The following SNTG1 variants were observed in gnomAD, a reference collection of about 807,000 sequenced individuals.
SNTG1 encodes syntrophin gamma 1, also known as gamma-1-syntrophin.
SNTG1 carries 39 observed loss-of-function variants against 74.7 expected under a neutral mutation model. That is an observed-to-expected ratio of 0.52 (90% CI 0.40 to 0.68). The LOEUF (loss-of-function observed/expected upper bound fraction) is 0.68, where lower values mean the gene tolerates loss of function less well. Ranked by LOEUF, SNTG1 falls within the 30% of genes least tolerant of loss-of-function variation. SNTG1 has a pLI of 0.00. For synonymous variants in SNTG1, 254 were observed against 217.1 expected (o/e 1.17, Z -1.49); for missense variants, 685 against 609.5 (o/e 1.12, Z -1.30).
chr8:50,638,733 A>G (rs1447962932), intron 13 of SNTG1, among the ~76,000 whole-genome samples: 1 of 152,002 alleles, frequency 6.6e-6, no homozygotes, highest in Non-Finnish European at 1.5e-5. Context: ...ATTCTTTCCA[A>G]CAGAAGAAAA....
intron 1 of SNTG1, among the ~76,000 whole-genome samples, chr8:49,950,475 G>A (rs1477734308): frequency 1.3e-5 from 2 of 152,200 alleles, no homozygotes; most frequent in East Asian, 3.9e-4. Flanking sequence ...TGGAAATCCA[G>A]GGGAGATTTT....
intron 15 of SNTG1, among the ~76,000 whole-genome samples, chr8:50,669,298 G>T (rs1422728799): frequency 6.6e-6 from 1 of 151,688 alleles, no homozygotes; most frequent in Non-Finnish European, 1.5e-5. Context: ...CCACTAGCTA[G>T]ACTAATAAAG....
intron 2 of SNTG1, among the ~76,000 whole-genome samples, chr8:50,318,317 A>C (rs12544473): frequency 0.47 from 72,037 of 152,100 alleles, 19,480 homozygotes; most frequent in East Asian, 0.83. Context: ...CATTGTGGAA[A>C]GCATTGGATA....
intron 18 of SNTG1, among the ~76,000 whole-genome samples, chr8:50,752,829 A>G: frequency 6.6e-6 from 1 of 151,958 alleles, no homozygotes; most frequent in East Asian, 1.9e-4. Flanking sequence ...TTTAGATTAG[A>G]CACTCTCCTT....
chr8:50,546,808 A>G (rs2094391573), intron 11 of SNTG1, among the ~76,000 whole-genome samples: 1 of 151,864 alleles, frequency 6.6e-6, no homozygotes, highest in Admixed American at 6.6e-5. Context: ...TTGGTTCCAA[A>G]TCTCACTCTG....
At chr8:50,789,820 A>T (rs1439285115) in intron 18 of SNTG1, among the ~76,000 whole-genome samples, 1 of 151,928 alleles carries the variant, frequency 6.6e-6, no homozygotes, top group Non-Finnish European at 1.5e-5. Flanking sequence ...AAAATTTCCC[A>T]TGGTTTCCCA....
chr8:50,250,724 C>G (rs2086610426), intron 2 of SNTG1, among the ~76,000 whole-genome samples: 1 of 152,006 alleles, frequency 6.6e-6, no homozygotes, highest in African/African-American at 2.4e-5. Flanking sequence ...TAAAAAATTT[C>G]TCACAGCCAA....
chr8:50,175,478 G>A (rs921774823), intron 2 of SNTG1, among the ~76,000 whole-genome samples: 12 of 152,202 alleles, frequency 7.9e-5, no homozygotes, highest in Non-Finnish European at 1.8e-4. Context: ...GAGAGCAAAG[G>A]ATGGAAGCTG....
rs548235806 is a variant in SNTG1, at chr8:50,729,536, C to G, written c.1284+20558C>G. On this transcript the variant is annotated intron_variant, in intron 17 of 18. Coordinates refer to ENST00000642720, the MANE Select transcript of SNTG1 (RefSeq NM_018967.5). The stretch of plus-strand genomic sequence containing the variant: ...AGTTAAGCCCATGTCTACCTCCCCT[C>G]CAGTGATGGGGGTCTCTTTTGTCAG... 2.6e-5 allele frequency among the ~76,000 whole-genome samples: 4 copies of G among 151,628 alleles called. No individual in the cohort carries two copies. In the East Asian group the frequency reaches 7.7e-4, roughly 29 times the overall value.
chr8:50,323,890 C>G (rs1261948236), intron 2 of SNTG1, among the ~76,000 whole-genome samples: 1 of 152,146 alleles, frequency 6.6e-6, no homozygotes, highest in African/African-American at 2.4e-5. Flanking sequence ...GTGTTCTATT[C>G]TACTACAGCT....
chr8:50,130,700 A>G (rs1247786359), intron 1 of SNTG1, among the ~76,000 whole-genome samples: 1 of 152,156 alleles, frequency 6.6e-6, no homozygotes, highest in African/African-American at 2.4e-5. Flanking sequence ...GTACTTGAGG[A>G]AGAAGATAAA....
chr8:50,456,806 C>A (rs1399784814), intron 8 of SNTG1, among the ~76,000 whole-genome samples: 2 of 152,060 alleles, frequency 1.3e-5, no homozygotes, highest in East Asian at 3.9e-4. Context: ...GGAGAGGAGT[C>A]TAAAAACAGG....
chr8:50,111,667 G>C (rs879494483), intron 1 of SNTG1, among the ~76,000 whole-genome samples: 8 of 152,134 alleles, frequency 5.3e-5, no homozygotes, highest in Admixed American at 5.2e-4. Context: ...ATTAAAGAGA[G>C]AAAATGATTA....
At chr8:50,360,002 G>T (rs1445421135) in intron 2 of SNTG1, among the ~76,000 whole-genome samples, 2 of 151,950 alleles carry the variant, frequency 1.3e-5, no homozygotes, top group Admixed American at 1.3e-4. Flanking sequence ...AAGTTTCTTA[G>T]AAATGCAGGC....
At chr8:50,503,764 T>G (rs1207191770) in intron 9 of SNTG1, among the ~76,000 whole-genome samples, 4 of 152,236 alleles carry the variant, frequency 2.6e-5, no homozygotes, top group Non-Finnish European at 5.9e-5. Context: ...TGTACTACAT[T>G]TATTAATGCA....
chr8:50,482,170 C>T (rs1335478268), intron 8 of SNTG1, among the ~76,000 whole-genome samples: 2 of 152,204 alleles, frequency 1.3e-5, no homozygotes, highest in African/African-American at 4.8e-5. Flanking sequence ...TCTGGAGGCT[C>T]TGCTGCCCCA....
chr8:50,078,957 A>G (rs532773806), intron 1 of SNTG1, among the ~76,000 whole-genome samples: 1 of 152,238 alleles, frequency 6.6e-6, no homozygotes, highest in Admixed American at 6.5e-5. Context: ...CCCATCTATC[A>G]TTGATGAGCA....
intron 4 of SNTG1, among the ~76,000 whole-genome samples, chr8:50,425,976 C>T (rs2093158716): frequency 6.6e-6 from 1 of 152,006 alleles, no homozygotes; most frequent in Admixed American, 6.6e-5. Flanking sequence ...AATTTAATTT[C>T]CTCCATTAAA....
At chr8:50,653,973 CG>C (rs1185981238) in intron 13 of SNTG1, among the ~76,000 whole-genome samples, 1 of 151,900 alleles carries the variant, frequency 6.6e-6, no homozygotes, top group Non-Finnish European at 1.5e-5. Context: ...TTAATGTACA[CG>C]TTTTTTTTTC....
Sources: gnomAD v4.1 joint callset for allele counts (sites outside exome capture counted in the v4.1 genomes callset) on GRCh38, gnomAD v4.1.1 for gene constraint, MANE v1.5 for transcripts, NCBI Gene and HGNC (gene_info 2026-07-23, HGNC 2026-07-21) for gene names.